MRTFB: variants seen among roughly 807,000 people sequenced by gnomAD.
MRTFB encodes the protein myocardin-related transcription factor B.
In MRTFB, 29 loss-of-function variants were observed where a neutral mutation model predicts 104.2. That is an observed-to-expected ratio of 0.28 (90% CI 0.21 to 0.38). The LOEUF (loss-of-function observed/expected upper bound fraction) is 0.38. Among genes scored for constraint, MRTFB ranks in the 10% least tolerant of loss-of-function variants. MRTFB has a pLI of 1.00. For synonymous variants in MRTFB, 535 were observed against 519.5 expected, an observed-to-expected ratio of 1.03 and a Z score of -0.41; for missense variants, 1,270 against 1,341.6, an observed-to-expected ratio of 0.95 and a Z score of 0.83.
chr16:14,026,143 A>T, the MRTFB span, among the ~76,000 whole-genome samples: 1 of 152,350 alleles, frequency 6.6e-6, no homozygotes, highest in Admixed American at 6.5e-5. Context: ...TTACACAGAA[A>T]GGTAAAGAAA....
chr16:14,141,430 A>G (rs1422118702), intron 3 of MRTFB: 1 of 152,262 alleles, frequency 6.6e-6, no homozygotes, highest in African/African-American at 2.4e-5. Context: ...AAAATCTAAC[A>G]AAGTAATGTT....
chr16:14,017,621 A>ATG, the MRTFB span, among the ~76,000 whole-genome samples: 1 of 88,294 alleles, frequency 1.1e-5, no homozygotes, highest in Non-Finnish European at 2.3e-5. Context: ...ATATATATAT[A>ATG]TATATATATA....
chr16:14,122,616 A>G (rs979461563), intron 2 of MRTFB, among the ~76,000 whole-genome samples: 4 of 152,178 alleles, frequency 2.6e-5, no homozygotes, highest in African/African-American at 9.7e-5. Flanking sequence ...ATATGAACTC[A>G]TCCTTTTTTA....
chr16:14,201,014 T>A, intron 3 of MRTFB: 2 of 1,463,214 alleles, frequency 1.4e-6, no homozygotes, highest in Non-Finnish European at 9.5e-7. Context: ...GGGGAACAAC[T>A]GAAGAGATAA....
At chr16:14,221,542 A>G (rs975457393) in intron 8 of MRTFB, among the ~76,000 whole-genome samples, 6 of 152,192 alleles carry the variant, frequency 3.9e-5, no homozygotes, top group Non-Finnish European at 8.8e-5. Context: ...TAGAATTACC[A>G]TCATACCACT....
chr16:14,061,451 C>T, the MRTFB span, among the ~76,000 whole-genome samples: 7 of 151,816 alleles, frequency 4.6e-5, no homozygotes, highest in South Asian at 2.1e-4. Flanking sequence ...TTCTATGAAG[C>T]TGGCATCACT....
At position 14,261,599 on chromosome 16, in the gene MRTFB, T is replaced by C. The variant is rs1050105055; in HGVS notation, c.*155T>C. 2.4e-5 allele frequency: 17 copies of C among 716,200 alleles called. No homozygotes were observed. The highest frequency in any genetic ancestry group is 1.9e-4 in the East Asian group (7 of 36,588). The allele number at this position is 716,200 out of a possible 1,614,324, so 44.4% of individuals were successfully genotyped here. A position where few individuals can be genotyped will look rare whatever the true frequency, so the allele number is the denominator to read the frequency against. ...GAAGGTCATAGCCTGGAACCCAAGTTTGAAAACATTTCATTGTGTTCAGTA... is the reference window on the plus strand; with the variant it reads ...GAAGGTCATAGCCTGGAACCCAAGTCTGAAAACATTTCATTGTGTTCAGTA... On this transcript the variant is annotated 3_prime_UTR_variant, in exon 17 of 17. Transcript: ENST00000571589.
intron 16 of MRTFB, 96 bp downstream of exon 16, chr16:14,258,257 A>C (rs898365286): frequency 1.2e-5 from 11 of 907,338 alleles, no homozygotes; most frequent in South Asian, 6.0e-5. Context: ...ATCTTTAGAT[A>C]CTGAGAAACG....
chr16:14,107,969 G>C (rs966887336), intron 2 of MRTFB, among the ~76,000 whole-genome samples: 4 of 152,174 alleles, frequency 2.6e-5, no homozygotes, highest in African/African-American at 7.2e-5. Flanking sequence ...TTCAGATATT[G>C]GCCACCCCTG....
At chr16:14,241,549 C>G (rs917932006) in intron 10 of MRTFB, 23 of 152,134 alleles carry the variant, frequency 1.5e-4, no homozygotes, top group African/African-American at 4.6e-4. Context: ...GATGCAAAAG[C>G]TCATTATAAT....
the MRTFB span, among the ~76,000 whole-genome samples, chr16:14,001,361 G>A: frequency 2.9e-4 from 44 of 152,176 alleles, no homozygotes; most frequent in Non-Finnish European, 6.2e-4. Context: ...AGGGGATACA[G>A]GGGTTCTGGC....
chr16:14,062,812 A>G, the MRTFB span, among the ~76,000 whole-genome samples: 6 of 152,142 alleles, frequency 3.9e-5, no homozygotes, highest in East Asian at 1.9e-4. Context: ...CTCCTGCGCC[A>G]TGAAACATCA....
At chr16:14,104,239 C>T (rs746795567) in intron 2 of MRTFB, among the ~76,000 whole-genome samples, 6 of 152,184 alleles carry the variant, frequency 3.9e-5, no homozygotes, top group Non-Finnish European at 8.8e-5. Flanking sequence ...ATAGGAAGGA[C>T]CCCTAAAGGT....
At chr16:14,154,068 C>CA (rs2038734428) in intron 3 of MRTFB, among the ~76,000 whole-genome samples, 2 of 152,284 alleles carry the variant, frequency 1.3e-5, no homozygotes, top group African/African-American at 4.8e-5. Flanking sequence ...CATTGTGGCT[C>CA]ATGCCTGTAA....
the MRTFB span, among the ~76,000 whole-genome samples, chr16:14,044,006 C>T: frequency 6.6e-6 from 1 of 152,212 alleles, no homozygotes; most frequent in Non-Finnish European, 1.5e-5. Flanking sequence ...TCTGAACTGT[C>T]ACCTTATGAG....
the MRTFB span, among the ~76,000 whole-genome samples, chr16:14,040,669 G>T: frequency 1.3e-5 from 2 of 152,038 alleles, no homozygotes; most frequent in African/African-American, 4.8e-5. Context: ...CACCATGTTG[G>T]CAGGGCTGGT....
chr16:14,231,930 TTTCAG>T (rs1484293623), intron 8 of MRTFB, among the ~76,000 whole-genome samples: 1 of 152,214 alleles, frequency 6.6e-6, no homozygotes. Flanking sequence ...AATCACTGTA[TTTCAG>T]TTGGGTTATT....
chr16:14,255,468 G>A (rs548197226), intron 15 of MRTFB, among the ~76,000 whole-genome samples: 9 of 152,336 alleles, frequency 5.9e-5, no homozygotes, highest in South Asian at 4.1e-4. Context: ...GCAACAGCAC[G>A]TTTAGAAGTT....
the MRTFB span, among the ~76,000 whole-genome samples, chr16:14,053,464 G>A: frequency 6.6e-6 from 1 of 152,056 alleles, no homozygotes; most frequent in African/African-American, 2.4e-5. Context: ...TGGGCACAGT[G>A]GCTCACATCT....
Sources: allele counts gnomAD v4.1 joint callset (sites outside exome capture counted in the v4.1 genomes callset), GRCh38; gene constraint gnomAD v4.1.1; transcripts MANE v1.5; gene names NCBI Gene and HGNC (gene_info 2026-07-23, HGNC 2026-07-21).